SLC12A9: variants seen among roughly 807,000 people sequenced by gnomAD.
SLC12A9 encodes the protein CCC-interacting protein 1.
In SLC12A9, 55 loss-of-function variants were observed where a neutral mutation model predicts 66.0. The ratio of observed to expected loss-of-function variants is 0.83; its 90% confidence interval spans 0.67 to 1.04. SLC12A9 has a LOEUF of 1.04. Among genes scored for constraint, SLC12A9 ranks in the 50% least tolerant of loss-of-function variants. The pLI, the probability that SLC12A9 is intolerant of heterozygous loss-of-function variation, is 0.00. For missense variants in SLC12A9, 1,061 were observed against 1,241.9 expected (o/e 0.85, Z 2.19); for synonymous variants, 577 against 569.0 (o/e 1.01, Z -0.20).
At chr7:100,837,626 C>T (rs1813688651) in intron 1 of SLC12A9, 1 of 152,184 alleles carries the variant, frequency 6.6e-6, no homozygotes, top group Admixed American at 6.5e-5. Flanking sequence ...AGGGCAGCAG[C>T]GAAGAAAACT....
chr7:100,836,307 G>A (rs113643300), intron 1 of SLC12A9, among the ~76,000 whole-genome samples: 2,277 of 152,270 alleles, frequency 0.015, 37 homozygotes, highest in Middle Eastern at 0.024. Flanking sequence ...AAAGATGTGT[G>A]TGGGGAGGAG....
chr7:100,862,557 T>A (rs1284564731), intron 12 of SLC12A9, 124 bp from the exon 13 acceptor site: 4 of 1,192,550 alleles, frequency 3.4e-6, no homozygotes, highest in Non-Finnish European at 4.8e-6. Flanking sequence ...TCTGCCCCTT[T>A]TATCCTTTCC....
upstream of SLC12A9, among the ~76,000 whole-genome samples, chr7:100,851,661 G>A (rs1301212157): frequency 6.9e-6 from 1 of 144,706 alleles, no homozygotes; most frequent in African/African-American, 2.6e-5. Flanking sequence ...GGCGTGGTGT[G>A]TGCCTGTGTA....
At chr7:100,862,594 CT>C (rs1814825276) in intron 12 of SLC12A9, 86 bp from the exon 13 acceptor site, 1 of 1,520,930 alleles carries the variant, frequency 6.6e-7, no homozygotes, top group Non-Finnish European at 9.0e-7. Context: ...AGCCATAGCC[CT>C]GCCCAGGCCC....
upstream of SLC12A9, among the ~76,000 whole-genome samples, chr7:100,851,067 G>A (rs915156741): frequency 2.6e-5 from 4 of 151,862 alleles, no homozygotes; most frequent in Non-Finnish European, 5.9e-5. Flanking sequence ...TTATTGCCCA[G>A]GCTGGTCTGG....
intron 13 of SLC12A9, 128 bp from the exon 14 acceptor site, chr7:100,865,591 G>A: frequency 6.4e-7 from 1 of 1,568,790 alleles, no homozygotes; most frequent in Non-Finnish European, 8.6e-7. Context: ...TGCCGTAAGA[G>A]CCCGTACACA....
chr7:100,835,759 G>C (rs775549496), intron 1 of SLC12A9, among the ~76,000 whole-genome samples: 2 of 152,250 alleles, frequency 1.3e-5, no homozygotes, highest in Non-Finnish European at 2.9e-5. Context: ...TAGTGCTGGG[G>C]ATAGAGGAAG....
chr7:100,858,536 G>A (rs1391328860), intron 5 of SLC12A9: 2 of 303,154 alleles, frequency 6.6e-6, no homozygotes, highest in Non-Finnish European at 1.3e-5. Context: ...GTTGCAGTGA[G>A]CTACGATGGT....
intron 13 of SLC12A9, among the ~76,000 whole-genome samples, chr7:100,865,050 C>T (rs944911869): frequency 1.3e-5 from 2 of 152,000 alleles, no homozygotes; most frequent in Admixed American, 6.6e-5. Flanking sequence ...CACCACCTTC[C>T]GGGTTCAGGC....
chr7:100,828,904 T>C (rs1333201407), intron 1 of SLC12A9, among the ~76,000 whole-genome samples: 3 of 151,420 alleles, frequency 2.0e-5, no homozygotes, highest in Non-Finnish European at 4.4e-5. Context: ...GATAGATGGA[T>C]TGGAGGGGGT....
Position 100,862,746 on chromosome 7 carries a change from C to T in SLC12A9, c.1777C>T (p.Gln593Ter). ...ATGGCTCAGCCTGGTGGACCGTGCCCAGGTGAAGGCTTTTGTGGATCTAAC... is the reference window on the plus strand; with the variant it reads ...ATGGCTCAGCCTGGTGGACCGTGCCTAGGTGAAGGCTTTTGTGGATCTAAC... ...GAWLSLVDRA[Q>*]VKAFVDLTLS... The change falls in exon 13 of 14, where the codon CAG becomes TAG. Residue 593 changes from glutamine (Q) to a stop codon, truncating the protein, a stop_gained. Coordinates refer to ENST00000354161, the MANE Select transcript of SLC12A9 (RefSeq NM_020246.4). LOFTEE classifies it high-confidence loss of function. The T allele has an allele frequency of 6.2e-7, 1 of 1,614,204 alleles. No individual in the cohort carries two copies. Among genetic ancestry groups the T allele is most frequent in the Non-Finnish European group, 8.5e-7 (1 of 1,180,028 alleles).
chr7:100,855,402 G>A (rs949740502), intron 3 of SLC12A9: 37 of 330,920 alleles, frequency 1.1e-4, no homozygotes, highest in African/African-American at 4.7e-4. Flanking sequence ...GATTACAGGC[G>A]TCAGCCACTG....
chr7:100,833,583 G>C (rs1000827995), intron 1 of SLC12A9, among the ~76,000 whole-genome samples: 1 of 152,072 alleles, frequency 6.6e-6, no homozygotes, highest in African/African-American at 2.4e-5. Flanking sequence ...GAGGTGGGAG[G>C]ATCACTTGAG....
At chr7:100,826,873 C>A (rs2116472739) in exon 1 of SLC12A9, 3 of 1,337,698 alleles carry the variant, frequency 2.2e-6, no homozygotes, top group South Asian at 1.5e-5. Context: ...GACTGCAGTG[C>A]CCGGGTAGGG....
Position 100,861,306 on chromosome 7 carries a change from C to A in SLC12A9, c.1343+44C>A. ...TGTCCCCAGAGAGAAGAAGGGAGGA[C>A]TCGGGCTCAGGCGTGGGGCTGGGGA... On this transcript the variant is annotated intron_variant, in intron 10 of 13. Coordinates refer to ENST00000354161, the MANE Select transcript of SLC12A9 (RefSeq NM_020246.4). The surrounding 1 kb of genome is among the most constrained non-coding windows in gnomAD (Gnocchi z 5.3). 6.2e-7 allele frequency: 1 copy of A among 1,613,482 alleles called. No homozygotes were observed. Among genetic ancestry groups the A allele is most frequent in the South Asian group, 1.1e-5 (1 of 91,076 alleles).
At chr7:100,847,219 T>C (rs1402102118) in intron 1 of SLC12A9, among the ~76,000 whole-genome samples, 8 of 152,222 alleles carry the variant, frequency 5.3e-5, no homozygotes, top group Non-Finnish European at 2.9e-5. Flanking sequence ...AGGCTGGTCC[T>C]AAACGCCTGA....
intron 1 of SLC12A9, among the ~76,000 whole-genome samples, chr7:100,853,828 A>G (rs1422927743): frequency 1.3e-5 from 2 of 151,900 alleles, no homozygotes; most frequent in Non-Finnish European, 2.9e-5. Flanking sequence ...TCCTGGGTTC[A>G]AGGGATTCTC....
intron 1 of SLC12A9, among the ~76,000 whole-genome samples, chr7:100,831,169 T>C (rs1395197172): frequency 1.3e-5 from 2 of 152,190 alleles, no homozygotes; most frequent in Non-Finnish European, 2.9e-5. Flanking sequence ...GTTTTCTTTT[T>C]CTTTTCTTTT....
intron 1 of SLC12A9, among the ~76,000 whole-genome samples, chr7:100,843,330 T>C (rs1813827244): frequency 6.6e-6 from 1 of 152,210 alleles, no homozygotes; most frequent in Non-Finnish European, 1.5e-5. Flanking sequence ...TGAAATCAAA[T>C]AGCTGCAGGA....
Sources: allele counts gnomAD v4.1 joint callset (sites outside exome capture counted in the v4.1 genomes callset), GRCh38; gene constraint gnomAD v4.1.1; non-coding constraint Gnocchi (gnomAD v3.1); transcripts MANE v1.5; gene names NCBI Gene and HGNC (gene_info 2026-07-23, HGNC 2026-07-21).